CGNL1: variants seen among roughly 807,000 people sequenced by gnomAD.
CGNL1 encodes cingulin like 1, also known as cingulin-like protein 1.
A neutral mutation model predicts 141.2 loss-of-function variants in CGNL1; 132 were observed. The ratio of observed to expected loss-of-function variants is 0.93; its 90% CI spans 0.81 to 1.08. The LOEUF is 1.08. Ranked by LOEUF, CGNL1 falls within the 50% of genes least tolerant of loss-of-function variation. The pLI, the probability that CGNL1 is intolerant of heterozygous loss-of-function variation, is 0.00. For synonymous variants in CGNL1, 690 were observed against 622.1 expected (o/e 1.11, Z -1.63); for missense variants, 1,870 against 1,588.6 (o/e 1.18, Z -3.01).
intron 7 of CGNL1, among the ~76,000 whole-genome samples, chr15:57,456,930 G>A (rs1210414823): frequency 6.6e-6 from 1 of 152,186 alleles, no homozygotes; most frequent in Non-Finnish European, 1.5e-5. Context: ...GGTTTGAGGA[G>A]AGATTGTGTT....
At chr15:57,522,749 AG>A (rs1194195069) in intron 10 of CGNL1, among the ~76,000 whole-genome samples, 2 of 152,242 alleles carry the variant, frequency 1.3e-5, no homozygotes, top group Non-Finnish European at 2.9e-5. Flanking sequence ...TGAGAGCCTC[AG>A]GGGAACTAAG....
At chr15:57,525,843 T>C (rs1468331772) in intron 12 of CGNL1, among the ~76,000 whole-genome samples, 1 of 151,732 alleles carries the variant, frequency 6.6e-6, no homozygotes, top group Admixed American at 6.6e-5. Flanking sequence ...GGACTCCAAG[T>C]AAGCAGTGAA....
intron 8 of CGNL1, among the ~76,000 whole-genome samples, chr15:57,466,698 T>A (rs1446482503): frequency 1.3e-5 from 2 of 152,212 alleles, no homozygotes; most frequent in African/African-American, 2.4e-5. Flanking sequence ...AAGGGAGATG[T>A]CTTTAGAGTC....
intron 8 of CGNL1, among the ~76,000 whole-genome samples, chr15:57,469,254 T>C (rs1352676583): frequency 3.3e-5 from 5 of 151,498 alleles, no homozygotes; most frequent in Non-Finnish European, 5.9e-5. Flanking sequence ...AGGCATCGTC[T>C]CTGGGTGCCT....
At chr15:57,500,025 A>G (rs1279679586) in intron 8 of CGNL1, among the ~76,000 whole-genome samples, 2 of 152,098 alleles carry the variant, frequency 1.3e-5, no homozygotes, top group East Asian at 3.9e-4. Flanking sequence ...TACCTGGTAA[A>G]TGGGTTGGGT....
At chr15:57,416,970 G>C (rs1386793062) in intron 1 of CGNL1, among the ~76,000 whole-genome samples, 3 of 152,162 alleles carry the variant, frequency 2.0e-5, no homozygotes, top group Non-Finnish European at 4.4e-5. Flanking sequence ...TTTGGACTCA[G>C]ACAGGCCTTG....
Position 57,546,255 on chromosome 15 carries a change from G to A in CGNL1, c.3773+16G>A. ...AGGACTTAAGGTGGGCAGGTGTGGA[G>A]GCCACAGAGGGCCGGGTAATCTCCC... On this transcript the variant is annotated intron_variant, in intron 18 of 18. Coordinates refer to ENST00000281282, the MANE Select transcript of CGNL1 (RefSeq NM_032866.5). The A allele has an allele frequency of 6.4e-7, 1 of 1,553,826 alleles. No homozygotes were observed. The highest frequency in any genetic ancestry group is 1.2e-5 in the South Asian group (1 of 83,920).
rs1309775624 is a variant in CGNL1, at chr15:57,407,509, C to CA, written c.-15-30468dup. 3.3e-5 allele frequency among the ~76,000 whole-genome samples: 5 copies of CA among 151,770 alleles called. No individual in the cohort carries two copies. The South Asian group carries it at 6.2e-4, about 19-fold the overall frequency. ...GCAACATAGTGACAACCTGTCTCAA[C>CA]AAAAAAAATTTAAAAATAACCGGGC... On this transcript the variant is annotated intron_variant, in intron 1 of 18. Coordinates refer to ENST00000281282, the MANE Select transcript of CGNL1 (RefSeq NM_032866.5).
At chr15:57,524,114 G>C (rs1365506740) in intron 11 of CGNL1, among the ~76,000 whole-genome samples, 2 of 152,212 alleles carry the variant, frequency 1.3e-5, no homozygotes, top group African/African-American at 4.8e-5. Context: ...TGACACGAGT[G>C]TCTGCTGTTT....
intron 8 of CGNL1, 116 bp downstream of exon 8, chr15:57,462,008 A>C (rs1182989172): frequency 1.3e-5 from 10 of 776,226 alleles, no homozygotes; most frequent in Admixed American, 4.3e-5. Context: ...ATCTCAATTC[A>C]TCAGATCATG....
At chr15:57,386,493 A>T (rs777447690) in intron 1 of CGNL1, among the ~76,000 whole-genome samples, 2 of 152,204 alleles carry the variant, frequency 1.3e-5, no homozygotes, top group Non-Finnish European at 2.9e-5. Flanking sequence ...TTACGGGCAT[A>T]GTAGGAGGCC....
At chr15:57,515,255 T>C (rs1224124037) in intron 8 of CGNL1, among the ~76,000 whole-genome samples, 2 of 152,242 alleles carry the variant, frequency 1.3e-5, no homozygotes, top group African/African-American at 4.8e-5. Context: ...CTAACTTCAT[T>C]CTAACTCAGT....
At chr15:57,499,928 A>G (rs540481422) in intron 8 of CGNL1, among the ~76,000 whole-genome samples, 1 of 152,176 alleles carries the variant, frequency 6.6e-6, no homozygotes, top group Admixed American at 6.5e-5. Context: ...GGGAGTTTGG[A>G]TGCATTTTGT....
Position 57,531,737 on chromosome 15 carries a change from C to T in CGNL1, c.3249C>T (p.Asn1083=). The change falls in exon 14 of 19, where the codon AAC becomes AAT. Residue 1083 remains asparagine (N), a synonymous_variant. Transcript: ENST00000281282. The part of the protein sequence containing the change: ...LEMELEEERN[N]SDLLSERISR... ...TGGAACTGGAAGAAGAGAGAAACAA[C>T]TCAGATTTGCTGTCTGAGAGGATCA... 1 of 1,613,048 alleles carries T rather than the reference C, an allele frequency of 6.2e-7. No homozygotes were observed. Among genetic ancestry groups the T allele is most frequent in the Non-Finnish European group, 8.5e-7 (1 of 1,179,090 alleles).
At chr15:57,484,061 G>A (rs373972609) in intron 8 of CGNL1, among the ~76,000 whole-genome samples, 69 of 152,050 alleles carry the variant, frequency 4.5e-4, no homozygotes, top group African/African-American at 1.6e-3. Context: ...CTTTTTTCAT[G>A]TTTTCCTTTC....
chr15:57,465,965 T>C (rs1452843694), intron 8 of CGNL1, among the ~76,000 whole-genome samples: 1 of 152,256 alleles, frequency 6.6e-6, no homozygotes, highest in African/African-American at 2.4e-5. Flanking sequence ...CCATATCTTT[T>C]AAAGAACAGT....
At chr15:57,404,168 C>G (rs1264944860) in intron 1 of CGNL1, among the ~76,000 whole-genome samples, 5 of 152,214 alleles carry the variant, frequency 3.3e-5, no homozygotes, top group African/African-American at 1.2e-4. Context: ...GATCTGGAAG[C>G]CTGGCAGTAT....
At chr15:57,516,197 C>A (rs1387155739) in intron 8 of CGNL1, among the ~76,000 whole-genome samples, 1 of 151,288 alleles carries the variant, frequency 6.6e-6, no homozygotes, top group Non-Finnish European at 1.5e-5. Flanking sequence ...AAAAAGAGAC[C>A]CTGCCCATGC....
At chr15:57,470,635 C>T (rs988868272) in intron 8 of CGNL1, among the ~76,000 whole-genome samples, 7 of 152,122 alleles carry the variant, frequency 4.6e-5, no homozygotes, top group South Asian at 2.1e-4. Flanking sequence ...TTTAGATATG[C>T]GGATTCATTT....
Sources: gnomAD v4.1 joint callset for allele counts (sites outside exome capture counted in the v4.1 genomes callset) on GRCh38, gnomAD v4.1.1 for gene constraint, MANE v1.5 for transcripts, NCBI Gene and HGNC (gene_info 2026-07-23, HGNC 2026-07-21) for gene names.